CDK8: variants seen among roughly 807,000 people sequenced by gnomAD.
CDK8 encodes the protein cyclin-dependent kinase 8.
In CDK8, 29 loss-of-function variants were observed where a neutral mutation model predicts 71.5. The ratio of observed to expected loss-of-function variants is 0.41; its 90% CI spans 0.30 to 0.55. The LOEUF is 0.55. CDK8 is among the 20% of genes least tolerant of loss of function. The pLI is 0.37. For missense variants in CDK8, 288 were observed against 572.6 expected (o/e 0.50, Z 5.07); for synonymous variants, 161 against 192.1 (o/e 0.84, Z 1.34).
At chr13:26,330,721 C>A (rs1875276132) in intron 1 of CDK8, among the ~76,000 whole-genome samples, 1 of 152,060 alleles carries the variant, frequency 6.6e-6, no homozygotes, top group Admixed American at 6.5e-5. Flanking sequence ...CTATTTCCAC[C>A]ATGTTGACCT....
At chr13:26,255,477 C>A (rs758832489) in intron 1 of CDK8, among the ~76,000 whole-genome samples, 11 of 152,062 alleles carry the variant, frequency 7.2e-5, no homozygotes, top group Non-Finnish European at 1.6e-4. Context: ...TTAAATAATC[C>A]CTTTGCTTTA....
intron 1 of CDK8, among the ~76,000 whole-genome samples, chr13:26,278,617 G>C (rs1333577145): frequency 1.3e-5 from 2 of 152,152 alleles, no homozygotes; most frequent in African/African-American, 4.8e-5. Flanking sequence ...TTGTCTGATT[G>C]AATTATTTAG....
At chr13:26,383,533 T>A (rs1875331538) in intron 5 of CDK8, among the ~76,000 whole-genome samples, 1 of 152,234 alleles carries the variant, frequency 6.6e-6, no homozygotes. Context: ...ATTTCCAAGT[T>A]GTGTTTGTCA....
intron 1 of CDK8, among the ~76,000 whole-genome samples, chr13:26,258,671 G>A (rs1356531403): frequency 1.3e-5 from 2 of 151,956 alleles, no homozygotes; most frequent in African/African-American, 2.4e-5. Context: ...CTTAGTAGGG[G>A]GGTTTCAGCA....
At chr13:26,362,448 C>G (rs945819442) in intron 4 of CDK8, among the ~76,000 whole-genome samples, 5 of 152,080 alleles carry the variant, frequency 3.3e-5, no homozygotes, top group African/African-American at 1.2e-4. Context: ...CAGTCAGAGG[C>G]CAAAGGTTTG....
chr13:26,318,644 G>A (rs1287894052), intron 1 of CDK8, among the ~76,000 whole-genome samples: 2 of 152,096 alleles, frequency 1.3e-5, no homozygotes, highest in Non-Finnish European at 2.9e-5. Context: ...TGAAATGCAA[G>A]CGTGGTTCAA....
chr13:26,324,684 G>A (rs1874943273), intron 1 of CDK8: 1 of 201,022 alleles, frequency 5.0e-6, no homozygotes, highest in African/African-American at 2.4e-5. Flanking sequence ...TAGCATGAGT[G>A]TTAAGGAGAA....
chr13:26,347,892 T>C (rs938969014), intron 2 of CDK8, among the ~76,000 whole-genome samples: 1 of 152,088 alleles, frequency 6.6e-6, no homozygotes, highest in African/African-American at 2.4e-5. Flanking sequence ...TCTCAGAAAG[T>C]TAAACACAGA....
chr13:26,264,325 C>G (rs753869784), intron 1 of CDK8, among the ~76,000 whole-genome samples: 24 of 151,810 alleles, frequency 1.6e-4, no homozygotes, highest in Middle Eastern at 3.4e-3. Context: ...TCACTCTGTT[C>G]CCTGGGCTGG....
intron 1 of CDK8, among the ~76,000 whole-genome samples, chr13:26,265,157 G>C (rs745380104): frequency 2.6e-5 from 4 of 152,064 alleles, no homozygotes; most frequent in Admixed American, 1.3e-4. Flanking sequence ...AGAAATCTTC[G>C]TACTGTTTTT....
chr13:26,403,031 T>G lies in CDK8; in HGVS notation c.1270-925T>G, dbSNP rs564760382. On this transcript the variant is annotated intron_variant, in intron 12 of 12. Transcript: ENST00000381527. ...GGTTAATCTTTTATAGTGTTTGTCT[T>G]GGGAGCAAATAGTATGAGAGAGAGG... Among the ~76,000 whole-genome samples, 7 of 152,358 alleles carry G rather than the reference T, an allele frequency of 4.6e-5. No individual in the cohort carries two copies. The South Asian group carries it at 1.4e-3, about 32-fold the overall frequency.
chr13:26,345,757 T>A (rs184042644), intron 2 of CDK8, among the ~76,000 whole-genome samples: 11 of 152,344 alleles, frequency 7.2e-5, no homozygotes, highest in South Asian at 2.1e-4. Flanking sequence ...GTGATCTTAG[T>A]TCATAGATCA....
At chr13:26,315,413 G>A (rs1752738597) in intron 1 of CDK8, among the ~76,000 whole-genome samples, 1 of 152,150 alleles carries the variant, frequency 6.6e-6, no homozygotes, top group African/African-American at 2.4e-5. Context: ...GAGCAGGGAG[G>A]AGGATCAATC....
intron 2 of CDK8, among the ~76,000 whole-genome samples, chr13:26,342,171 C>T (rs1483604616): frequency 6.6e-6 from 1 of 152,168 alleles, no homozygotes; most frequent in East Asian, 1.9e-4. Context: ...CCTCAGCCTC[C>T]CAAAGTGCTG....
intron 4 of CDK8, among the ~76,000 whole-genome samples, chr13:26,382,008 T>C (rs1875251310): frequency 6.6e-6 from 1 of 152,170 alleles, no homozygotes; most frequent in African/African-American, 2.4e-5. Flanking sequence ...ATCAAGTAGA[T>C]AGCAGGATAG....
chr13:26,299,963 G>A (rs895402924), intron 1 of CDK8, among the ~76,000 whole-genome samples: 3 of 151,970 alleles, frequency 2.0e-5, no homozygotes, highest in African/African-American at 7.3e-5. Context: ...TTAGCTCATG[G>A]TCAGTGCAGA....
In CDK8 at chr13:26,346,881, A is replaced by G. The variant is rs1453389657; in HGVS notation, c.205-2191A>G. 2.6e-5 allele frequency among the ~76,000 whole-genome samples: 4 copies of G among 152,308 alleles called. No homozygotes were observed. The East Asian group carries it at 7.7e-4, about 29-fold the overall frequency. On this transcript the variant is annotated intron_variant, in intron 2 of 12. Transcript: ENST00000381527. Reference sequence around the variant, plus strand: ...GCTGAAGTTTACTTCAAAGCCCCCAATATAGTGTTAACTTTACATTGATTC... The same window carrying G: ...GCTGAAGTTTACTTCAAAGCCCCCAGTATAGTGTTAACTTTACATTGATTC...
intron 1 of CDK8, among the ~76,000 whole-genome samples, chr13:26,328,085 G>A (rs1053684254): frequency 2.0e-5 from 3 of 151,392 alleles, no homozygotes; most frequent in East Asian, 3.9e-4. Flanking sequence ...TAAAGCATTC[G>A]GACCAAACTG....
chr13:26,347,995 A>G (rs1873528381), intron 2 of CDK8, among the ~76,000 whole-genome samples: 1 of 152,174 alleles, frequency 6.6e-6, no homozygotes, highest in Admixed American at 6.5e-5. Flanking sequence ...CACTGTTCAT[A>G]GCAGCATTAA....
Sources: allele counts gnomAD v4.1 joint callset (sites outside exome capture counted in the v4.1 genomes callset), GRCh38; gene constraint gnomAD v4.1.1; transcripts MANE v1.5; gene names NCBI Gene and HGNC (gene_info 2026-07-23, HGNC 2026-07-21).